Variants in MAP3K4 observed in about 807,000 individuals in gnomAD.
MAP3K4 encodes the protein mitogen-activated protein kinase kinase kinase 4, also known as MAP three kinase 1.
MAP3K4 carries 67 observed loss-of-function variants against 185.6 expected under a neutral mutation model. The ratio of observed to expected loss-of-function variants is 0.36; its 90% confidence interval spans 0.30 to 0.44. The LOEUF (loss-of-function observed/expected upper bound fraction) is 0.44. MAP3K4 is among the 20% of genes least tolerant of loss of function. The probability of loss-of-function intolerance (pLI) is 1.00; values close to 1 mark genes in which losing one functional copy is unlikely to be tolerated. For synonymous variants in MAP3K4, 702 were observed against 710.4 expected, an observed-to-expected ratio of 0.99 and a Z score of 0.19; for missense variants, 1,551 against 1,995.1, an observed-to-expected ratio of 0.78 and a Z score of 4.24.
rs943533571 is a variant in MAP3K4 at position 161,100,211 on chromosome 6, C to A, written c.3675-1681C>A. ...CCCGTGAGTCACTGGTGGATTCGGC[C>A]CACTGCTCCCGAGGCAGACTTCACA... On this transcript the variant is annotated intron_variant, in intron 17 of 26. Coordinates refer to ENST00000392142, the MANE Select transcript of MAP3K4 (RefSeq NM_005922.4). The surrounding 1 kb of genome is among the most constrained non-coding windows in gnomAD (Gnocchi z 5.8). Among the ~76,000 whole-genome samples, 2 of 152,102 alleles carry A rather than the reference C, an allele frequency of 1.3e-5. No homozygotes were observed. Among genetic ancestry groups the A allele is most frequent in the African/African-American group, 4.8e-5 (2 of 41,424 alleles).
chr6:161,112,842 T>C lies in MAP3K4; in HGVS notation c.4626+68T>C. On this transcript the variant is annotated intron_variant, in intron 25 of 26. Transcript: ENST00000392142. The surrounding 1 kb of genome is among the most constrained non-coding windows in gnomAD (Gnocchi z 5.1). ...CACTGTGCATTAACAGAACAGTAGT[T>C]ATGGATTGATTATTTATTACAAACA... The C allele has an allele frequency of 2.0e-6, 2 of 1,010,418 alleles. No homozygotes were observed. The highest frequency in any genetic ancestry group is 2.8e-6 in the Non-Finnish European group (2 of 715,670). 62.6% of individuals were successfully genotyped at this position (1,010,418 alleles called of 1,614,324 possible).
chr6:161,101,687 G>C lies in MAP3K4; in HGVS notation c.3675-205G>C. ...CTGTTCACTTAGGGGGCTGATTCTG[G>C]TGGGTCTGTCCTGTGCGTTTTCCGC... On this transcript the variant is annotated intron_variant, in intron 17 of 26. Coordinates refer to ENST00000392142, the MANE Select transcript of MAP3K4 (RefSeq NM_005922.4). The surrounding 1 kb of genome is among the most constrained non-coding windows in gnomAD (Gnocchi z 5.1). 2.0e-6 allele frequency: 1 copy of C among 497,868 alleles called. No individual in the cohort carries two copies. The highest frequency in any genetic ancestry group is 2.5e-5 in the South Asian group (1 of 39,868). 30.8% of individuals were successfully genotyped at this position (497,868 alleles called of 1,614,324 possible).
chr6:161,040,788 A>G (rs1464303166), intron 2 of MAP3K4, among the ~76,000 whole-genome samples: 1 of 152,258 alleles, frequency 6.6e-6, no homozygotes, highest in Non-Finnish European at 1.5e-5. Context: ...TTAAAAGGTC[A>G]TAAATGTCAA....
chr6:161,049,530 T>A lies in MAP3K4; in HGVS notation c.1258T>A (p.Ser420Thr), dbSNP rs778949243. 25 of 1,614,176 alleles carry A rather than the reference T, an allele frequency of 1.5e-5. No homozygotes were observed. The highest frequency in any genetic ancestry group is 2.0e-5 in the Non-Finnish European group (24 of 1,180,022). The change falls in exon 3 of 27, where the codon TCA (serine) becomes ACA (threonine). Residue 420 changes from serine to threonine, a missense_variant. Physicochemically the swap from Ser to Thr is moderately conservative, Grantham distance 58. Coordinates refer to ENST00000392142, the MANE Select transcript of MAP3K4 (RefSeq NM_005922.4). The surrounding 1 kb of genome is among the most constrained non-coding windows in gnomAD (Gnocchi z 8.4). ...CACTGTTTTGGGCATCAAGAATTTA[T>A]CAGACATTGGCTGGCCAGTGTTTGA... ...MGTVLGIKNLSDIGWPVFEIP... is the reference protein window; with the variant it reads ...MGTVLGIKNLTDIGWPVFEIP...
At position 160,992,050 on chromosome 6, in the gene MAP3K4, C is replaced by T. The variant is rs1196374486; in HGVS notation, c.119C>T (p.Thr40Ile). 2 of 1,584,300 alleles carry T rather than the reference C, an allele frequency of 1.3e-6. No homozygotes were observed. Among genetic ancestry groups the T allele is most frequent in the Non-Finnish European group, 1.7e-6 (2 of 1,170,952 alleles). Residue 40 changes from threonine to isoleucine, a missense_variant, in exon 1 of 27, where the codon ACC (threonine) becomes ATC (isoleucine). Physicochemically the swap from Thr to Ile is moderately conservative, Grantham distance 89. Around this residue, in one of 16 missense-constraint regions of MAP3K4, gnomAD observed 287 missense variants for 268.8 expected, o/e 1.07. Coordinates refer to ENST00000392142, the MANE Select transcript of MAP3K4 (RefSeq NM_005922.4). Reference sequence around the variant, plus strand: ...CCACCACCGCCACCGGAACCCGAGACCGAGTCAGAACCCGAGTGCTGCTTG... The same window carrying T: ...CCACCACCGCCACCGGAACCCGAGATCGAGTCAGAACCCGAGTGCTGCTTG... ...PPPPPPPEPETESEPECCLAA... is the reference protein window; with the variant it reads ...PPPPPPPEPEIESEPECCLAA...
rs537741633 is a variant in MAP3K4 at position 161,088,780 on chromosome 6, C to G, written c.2824-542C>G. Reference sequence around the variant, plus strand: ...TGAGTTTCCCTGCTTCAAACCTCACCTTCTGTCTCTCCAATTCTGTGTTTG... The same window carrying G: ...TGAGTTTCCCTGCTTCAAACCTCACGTTCTGTCTCTCCAATTCTGTGTTTG... On this transcript the variant is annotated intron_variant, in intron 10 of 26. Transcript: ENST00000392142. This position sits in a 1 kb window ranked among gnomAD's most constrained non-coding sequence, Gnocchi z 4.5. Among the ~76,000 whole-genome samples the G allele has an allele frequency of 1.3e-5, 2 of 152,266 alleles. No individual in the cohort carries two copies. Among genetic ancestry groups the G allele is most frequent in the African/African-American group, 4.8e-5 (2 of 41,548 alleles).
intron 7 of MAP3K4, among the ~76,000 whole-genome samples, chr6:161,085,606 TATG>T (rs1420111107): frequency 6.6e-6 from 1 of 152,228 alleles, no homozygotes; most frequent in African/African-American, 2.4e-5. Flanking sequence ...GAACACCTGG[TATG>T]TTTTTATGCC....
In MAP3K4 at chr6:160,991,794, TG is replaced by T; in HGVS notation, c.-136del. 1.0e-6 allele frequency: 1 copy of T among 1,004,232 alleles called. No individual in the cohort carries two copies. The highest frequency in any genetic ancestry group is 1.3e-6 in the Non-Finnish European group (1 of 750,642). 62.2% of individuals were successfully genotyped at this position (1,004,232 alleles called of 1,614,324 possible). On this transcript the variant is annotated 5_prime_UTR_variant, in exon 1 of 27. The change abolishes the stop of an existing upstream ORF in the 5' untranslated region. Transcript: ENST00000392142. This position sits in a 1 kb window ranked among gnomAD's most constrained non-coding sequence, Gnocchi z 5.7. ...GCTCGGCCGGTCGCCGTTTCCAAGA[TG>T]GCCGCGGCGCGCACGGCTCCTGCGG...
Position 161,116,348 on chromosome 6 carries a change from G to A in MAP3K4, c.4807-502G>A, listed in dbSNP as rs1778591273. Among the ~76,000 whole-genome samples the A allele has an allele frequency of 6.6e-6, 1 of 152,012 alleles. No individual in the cohort carries two copies. The highest frequency in any genetic ancestry group is 1.5e-5 in the Non-Finnish European group (1 of 68,018). On this transcript the variant is annotated intron_variant, in intron 26 of 26. Transcript: ENST00000392142. The surrounding 1 kb of genome is among the most constrained non-coding windows in gnomAD (Gnocchi z 6.2). The stretch of plus-strand genomic sequence containing the variant: ...GATTTTGGGTAGGGCACAGGTGTGG[G>A]AGACAGAAGTATTGCTGGGAGGGTC...
rs1021412263 is a variant in MAP3K4, at chr6:161,008,749, A to G, written c.152+16666A>G. Among the ~76,000 whole-genome samples the G allele has an allele frequency of 9.2e-5, 14 of 152,274 alleles. No individual in the cohort carries two copies. Among genetic ancestry groups the G allele is most frequent in the African/African-American group, 3.4e-4 (14 of 41,566 alleles). ...AAATCTCTTCCTACTTCTTGCACACACTACCCTTTCTTTCCTCATTATCCT... is the reference window on the plus strand; with the variant it reads ...AAATCTCTTCCTACTTCTTGCACACGCTACCCTTTCTTTCCTCATTATCCT... On this transcript the variant is annotated intron_variant, in intron 1 of 26. Coordinates refer to ENST00000392142, the MANE Select transcript of MAP3K4 (RefSeq NM_005922.4). This position sits in a 1 kb window ranked among gnomAD's most constrained non-coding sequence, Gnocchi z 4.1.
rs1213653096 is a variant in MAP3K4, at chr6:161,082,527, T to TC, written c.2255+1494dup. ...CTGAGAAGCTCCAGGGCTTTTTCAT[T>TC]CCCCCTTCTTGTGAACAGTCCACTT... On this transcript the variant is annotated intron_variant, in intron 6 of 26. Coordinates refer to ENST00000392142, the MANE Select transcript of MAP3K4 (RefSeq NM_005922.4). This position sits in a 1 kb window ranked among gnomAD's most constrained non-coding sequence, Gnocchi z 4.2. Among the ~76,000 whole-genome samples the TC allele has an allele frequency of 4.6e-5, 7 of 151,994 alleles. No individual in the cohort carries two copies. Among genetic ancestry groups the TC allele is most frequent in the South Asian group, 2.1e-4 (1 of 4,814 alleles).
chr6:161,066,410 C>CT (rs1325667311), intron 3 of MAP3K4, among the ~76,000 whole-genome samples: 1,730 of 141,772 alleles, frequency 0.012, 35 homozygotes, highest in African/African-American at 0.041. Flanking sequence ...TTCATCTTTT[C>CT]TTTTTTTTTT....
chr6:161,030,750 G>T (rs2115153706), intron 1 of MAP3K4, among the ~76,000 whole-genome samples: 1 of 152,214 alleles, frequency 6.6e-6, no homozygotes, highest in South Asian at 2.1e-4. Flanking sequence ...CGTTGTGAAT[G>T]TTATTTATTA....
rs138277986 is a variant in MAP3K4 at position 161,100,740 on chromosome 6, C to T, written c.3675-1152C>T. Among the ~76,000 whole-genome samples the T allele has an allele frequency of 9.9e-5, 15 of 151,776 alleles. No individual in the cohort carries two copies. Among genetic ancestry groups the T allele is most frequent in the African/African-American group, 2.7e-4 (11 of 41,130 alleles). On this transcript the variant is annotated intron_variant, in intron 17 of 26. Transcript: ENST00000392142. The surrounding 1 kb of genome is among the most constrained non-coding windows in gnomAD (Gnocchi z 5.8). ...TTGGCTAGTCTCACTTGTGGGAAAT[C>T]GGAAAAATTAGAGGTGTTTAGTGAC... is the stretch of plus-strand genomic sequence containing the variant.
chr6:161,069,813 T>TC (rs1784858854), intron 3 of MAP3K4, among the ~76,000 whole-genome samples: 1 of 151,548 alleles, frequency 6.6e-6, no homozygotes. Context: ...GAGAAATAGC[T>TC]CCCATGGAGC....
In MAP3K4 at chr6:161,063,571, G is replaced by T. The variant is rs570554561; in HGVS notation, c.1708-7037G>T. 6.6e-6 allele frequency among the ~76,000 whole-genome samples: 1 copy of T among 152,256 alleles called. No homozygotes were observed. Among genetic ancestry groups the T allele is most frequent in the South Asian group, 2.1e-4 (1 of 4,818 alleles). ...GTCTGTGGACTGTTCTTCTTCCCAT[G>T]TTCTCGATCTCCTCTTCTCTTTCCT... On this transcript the variant is annotated intron_variant, in intron 3 of 26. Coordinates refer to ENST00000392142, the MANE Select transcript of MAP3K4 (RefSeq NM_005922.4). This position sits in a 1 kb window ranked among gnomAD's most constrained non-coding sequence, Gnocchi z 5.4.
chr6:161,052,526 G>T (rs1262893672), intron 3 of MAP3K4, among the ~76,000 whole-genome samples: 1 of 152,146 alleles, frequency 6.6e-6, no homozygotes, highest in Non-Finnish European at 1.5e-5. Context: ...AGCCCCTGTT[G>T]TTTTAAATTT....
chr6:161,087,936 C>T lies in MAP3K4; in HGVS notation c.2805C>T (p.Asp935=). Residue 935 remains aspartate (D), a synonymous_variant, in exon 10 of 27, where the codon GAC becomes GAT. Transcript: ENST00000392142. This position sits in a 1 kb window ranked among gnomAD's most constrained non-coding sequence, Gnocchi z 4.9. ...VKVVPQVETV[D]TLRSMQVDNL... ...TCGTGCCTCAGGTGGAGACTGTTGA[C>T]ACCCTGAGAAGCATGCAGGTACAGC... The T allele has an allele frequency of 6.2e-7, 1 of 1,613,444 alleles. No homozygotes were observed. The highest frequency in any genetic ancestry group is 8.5e-7 in the Non-Finnish European group (1 of 1,179,826).
intron 1 of MAP3K4, among the ~76,000 whole-genome samples, chr6:161,029,670 C>G (rs1225692020): frequency 1.3e-5 from 2 of 152,148 alleles, no homozygotes; most frequent in Admixed American, 6.5e-5. Context: ...TTGCTCATCC[C>G]AAATCATTGG....
Sources: allele counts gnomAD v4.1 joint callset (sites outside exome capture counted in the v4.1 genomes callset), GRCh38; gene constraint gnomAD v4.1.1; regional missense constraint gnomAD v4.1.1; non-coding constraint Gnocchi (gnomAD v3.1); transcripts MANE v1.5; gene names NCBI Gene and HGNC (gene_info 2026-07-23, HGNC 2026-07-21).